Variants in PCDH7 observed in about 807,000 individuals in gnomAD.
PCDH7 encodes the protein protocadherin-7.
PCDH7 carries 17 observed loss-of-function variants against 58.9 expected under a neutral mutation model. That is an observed-to-expected ratio of 0.29 (90% CI 0.20 to 0.43). PCDH7 has a LOEUF of 0.43. Among genes scored for constraint, PCDH7 ranks in the 20% least tolerant of loss-of-function variants. PCDH7 has a pLI of 1.00. For synonymous variants in PCDH7, 664 were observed against 616.4 expected (o/e 1.08, Z -1.14); for missense variants, 1,274 against 1,441.0 (o/e 0.88, Z 1.88).
rs545213162 is a variant in PCDH7, at chr4:31,029,540, G to A, written c.*7+79325G>A. On this transcript the variant is annotated intron_variant, in intron 3 of 3. Transcript: ENST00000509759. ...CTCCAGCATTTTCCTGGGAAATAGC[G>A]GTGCTATTATAACGGTTTAGCACTG... is the stretch of plus-strand genomic sequence containing the variant. 2.2e-4 allele frequency among the ~76,000 whole-genome samples: 33 copies of A among 152,246 alleles called. 1 individual carries two copies. Among genetic ancestry groups the A allele is most frequent in the Non-Finnish European group, 2.9e-4 (20 of 68,016 alleles).
At chr4:31,083,094 C>A (rs528980500) in intron 3 of PCDH7, among the ~76,000 whole-genome samples, 14 of 152,066 alleles carry the variant, frequency 9.2e-5, no homozygotes, top group Admixed American at 2.0e-4. Flanking sequence ...GGCGACAGAG[C>A]AAGACTCCAT....
chr4:31,081,922 G>A (rs371991238), intron 3 of PCDH7, among the ~76,000 whole-genome samples: 3 of 152,056 alleles, frequency 2.0e-5, no homozygotes, highest in African/African-American at 2.4e-5. Context: ...ACAGGCCCAC[G>A]CCACCAAGGC....
intron 1 of PCDH7, among the ~76,000 whole-genome samples, chr4:30,729,434 G>T (rs1715152294): frequency 6.6e-6 from 1 of 151,908 alleles, no homozygotes; most frequent in African/African-American, 2.4e-5. Flanking sequence ...GAATTTTAAA[G>T]AAGTTAATAA....
Position 30,836,869 on chromosome 4 carries a change from T to C in PCDH7, c.71-83284T>C, listed in dbSNP as rs141494572. Among the ~76,000 whole-genome samples the C allele has an allele frequency of 9.6e-3, 1,463 of 152,296 alleles. 24 individuals carry two copies. The highest frequency in any genetic ancestry group is 0.033 in the African/African-American group (1,357 of 41,560). On this transcript the variant is annotated intron_variant, in intron 1 of 3. Coordinates refer to the PCDH7 transcript ENST00000509759. ...CTGGAATGACTGTCAGAGTAACTCA[T>C]TGTTTTATTTCAACAGCCAAGCCGA...
chr4:30,880,836 G>T (rs867620670), intron 1 of PCDH7, among the ~76,000 whole-genome samples: 12 of 152,248 alleles, frequency 7.9e-5, no homozygotes, highest in Middle Eastern at 6.8e-3. Flanking sequence ...GAATTGATTG[G>T]CGTACTTAAA....
intron 3 of PCDH7, among the ~76,000 whole-genome samples, chr4:30,975,018 C>T (rs1749938642): frequency 6.6e-6 from 1 of 152,068 alleles, no homozygotes; most frequent in Admixed American, 6.6e-5. Flanking sequence ...AGTTCTCTGG[C>T]TTGTAACTGT....
At chr4:30,982,865 G>C (rs1313772855) in intron 3 of PCDH7, among the ~76,000 whole-genome samples, 1 of 152,092 alleles carries the variant, frequency 6.6e-6, no homozygotes. Flanking sequence ...GCAGAGTTGG[G>C]GAGGAATGTA....
chr4:31,097,492 AAAAG>A (rs1253514388), intron 3 of PCDH7, among the ~76,000 whole-genome samples: 7 of 119,042 alleles, frequency 5.9e-5, no homozygotes, highest in East Asian at 5.3e-4. Context: ...AAGAAAGAAA[AAAAG>A]AAAGAAAGAA....
Position 31,099,250 on chromosome 4 carries a change from G to A in PCDH7, c.*8-43223G>A, listed in dbSNP as rs111908585. Among the ~76,000 whole-genome samples the A allele has an allele frequency of 5.0e-4, 76 of 152,278 alleles. 4 individuals are homozygous for A. The highest frequency in any genetic ancestry group is 1.3e-3 in the African/African-American group (52 of 41,560). On this transcript the variant is annotated intron_variant, in intron 3 of 3. Transcript: ENST00000509759. ...AAAGGGGGCAAAGGAAAGTCACTGTGCCCTGTGTTGTAGGTCTTGAGTTTT... is the reference window on the plus strand; with the variant it reads ...AAAGGGGGCAAAGGAAAGTCACTGTACCCTGTGTTGTAGGTCTTGAGTTTT...
exon 2 of PCDH7, chr4:30,730,845 C>A: frequency 6.5e-7 from 1 of 1,534,284 alleles, no homozygotes; most frequent in Middle Eastern, 1.8e-4. Context: ...CTTTCTACTC[C>A]GAAACCTGCT....
chr4:30,897,317 T>C (rs1054958368), intron 1 of PCDH7, among the ~76,000 whole-genome samples: 2 of 152,184 alleles, frequency 1.3e-5, no homozygotes, highest in Non-Finnish European at 2.9e-5. Context: ...CTGTCATTTG[T>C]TACGTCACTC....
chr4:30,856,385 A>G (rs1733461623), intron 1 of PCDH7, among the ~76,000 whole-genome samples: 1 of 152,058 alleles, frequency 6.6e-6, no homozygotes, highest in South Asian at 2.1e-4. Flanking sequence ...ATAATAGAAT[A>G]TGTTCTCTTT....
rs755004250 is a variant in PCDH7, at chr4:31,056,623, CAGAG to C, written c.*8-85841_*8-85838del. 4.2e-3 allele frequency among the ~76,000 whole-genome samples: 540 copies of C among 130,022 alleles called. 3 individuals are homozygous for C. Among genetic ancestry groups the C allele is most frequent in the Middle Eastern group, 8.9e-3 (2 of 224 alleles). The allele number at this position is 130,022 out of a possible 152,430, so 85.3% of individuals were successfully genotyped here. A position where few individuals can be genotyped will look rare whatever the true frequency, so the allele number is the denominator to read the frequency against. ...GAAAGGAGAGAGAGAGAGTGAAAGA[CAGAG>C]AGAGAGAGGAGAGAGAGAGAGAAAG... On this transcript the variant is annotated intron_variant, in intron 3 of 3. Coordinates refer to the PCDH7 transcript ENST00000509759.
At chr4:30,822,175 G>T (rs1257058262) in intron 1 of PCDH7, among the ~76,000 whole-genome samples, 1 of 152,070 alleles carries the variant, frequency 6.6e-6, no homozygotes, top group African/African-American at 2.4e-5. Flanking sequence ...TCATGAGAGT[G>T]CCCTCCCATC....
chr4:31,064,261 G>T (rs761160732), intron 3 of PCDH7, among the ~76,000 whole-genome samples: 2 of 151,848 alleles, frequency 1.3e-5, no homozygotes, highest in Admixed American at 6.6e-5. Context: ...GAAACAACAC[G>T]CAGGAGAAAA....
At chr4:30,910,838 A>G (rs1020942912) in intron 1 of PCDH7, among the ~76,000 whole-genome samples, 3 of 152,156 alleles carry the variant, frequency 2.0e-5, no homozygotes, top group Non-Finnish European at 4.4e-5. Context: ...AAATCATGCT[A>G]CTATAAAGAC....
At chr4:31,063,516 A>G (rs1757853050) in intron 3 of PCDH7, among the ~76,000 whole-genome samples, 1 of 151,742 alleles carries the variant, frequency 6.6e-6, no homozygotes, top group South Asian at 2.1e-4. Context: ...TTATCATTCT[A>G]AAACAATCCA....
At position 30,776,187 on chromosome 4, in the gene PCDH7, T is replaced by C. The variant is rs539273993; in HGVS notation, c.70+51591T>C. 15 of 152,348 alleles carry C rather than the reference T, an allele frequency of 9.8e-5. No homozygotes were observed. The East Asian group carries it at 1.2e-3, about 12-fold the overall frequency. 9.4% of individuals were successfully genotyped at this position (152,348 alleles called of 1,614,324 possible). The stretch of plus-strand genomic sequence containing the variant: ...AACTATACTGAACTAAGTCCAAGTG[T>C]ATCTTTGGAAACTAATCAGAGGTGT... On this transcript the variant is annotated intron_variant, in intron 1 of 3. Transcript: ENST00000509759.
chr4:31,068,403 A>C (rs1758267721), intron 3 of PCDH7, among the ~76,000 whole-genome samples: 1 of 152,062 alleles, frequency 6.6e-6, no homozygotes, highest in South Asian at 2.1e-4. Flanking sequence ...CCCGCACAGC[A>C]AGATGACTCG....
Sources: allele counts gnomAD v4.1 joint callset (sites outside exome capture counted in the v4.1 genomes callset), GRCh38; gene constraint gnomAD v4.1.1; transcripts MANE v1.5; gene names NCBI Gene and HGNC (gene_info 2026-07-23, HGNC 2026-07-21).